The following GLRA1 variants were observed in gnomAD, a reference collection of about 807,000 sequenced individuals.
GLRA1 encodes glycine receptor alpha 1, also known as glycine receptor subunit alpha-1.
GLRA1 carries 37 observed loss-of-function variants against 48.3 expected under a neutral mutation model. That is an observed-to-expected ratio of 0.77 (90% CI 0.59 to 1.01). GLRA1 has a LOEUF of 1.01. Ranked by LOEUF, GLRA1 falls within the 50% of genes least tolerant of loss-of-function variation. The pLI is 0.00. For missense variants in GLRA1, 427 were observed against 571.0 expected (o/e 0.75, Z 2.57); for synonymous variants, 196 against 210.7 (o/e 0.93, Z 0.60).
intron 2 of GLRA1, among the ~76,000 whole-genome samples, chr5:151,889,637 T>A (rs1754007708): frequency 6.6e-6 from 1 of 152,176 alleles, no homozygotes; most frequent in Non-Finnish European, 1.5e-5. Flanking sequence ...GAGTGATGGA[T>A]CCCTCCGTAG....
intron 3 of GLRA1, 48 bp downstream of exon 3, chr5:151,886,673 A>C: frequency 7.0e-6 from 9 of 1,293,744 alleles, no homozygotes; most frequent in Non-Finnish European, 1.0e-5. Context: ...TATTTCATGG[A>C]GAGATATCTC....
intron 1 of GLRA1, among the ~76,000 whole-genome samples, chr5:151,900,569 C>T (rs1331856457): frequency 6.6e-6 from 1 of 152,192 alleles, no homozygotes; most frequent in African/African-American, 2.4e-5. Context: ...CTCCATTTTA[C>T]AGGTGAGAAA....
chr5:151,824,910 A>G (rs1444711353), intron 8 of GLRA1, among the ~76,000 whole-genome samples: 1 of 152,196 alleles, frequency 6.6e-6, no homozygotes, highest in African/African-American at 2.4e-5. Flanking sequence ...TTTGTTGAAC[A>G]AATGTTTACT....
chr5:151,909,636 A>G (rs989344865), intron 1 of GLRA1, among the ~76,000 whole-genome samples: 3 of 152,194 alleles, frequency 2.0e-5, no homozygotes, highest in Non-Finnish European at 2.9e-5. Context: ...TCATAATGGA[A>G]TTGGTAAGTT....
At chr5:151,907,296 G>C (rs566514541) in intron 1 of GLRA1, among the ~76,000 whole-genome samples, 1 of 152,212 alleles carries the variant, frequency 6.6e-6, no homozygotes, top group South Asian at 2.1e-4. Flanking sequence ...TGTATCTGTG[G>C]CTCTCATTTA....
At chr5:151,877,316 G>A (rs1341491183) in intron 3 of GLRA1, among the ~76,000 whole-genome samples, 1 of 152,140 alleles carries the variant, frequency 6.6e-6, no homozygotes, top group African/African-American at 2.4e-5. Context: ...AATCATTGTT[G>A]TCTGAAGATG....
At chr5:151,847,208 G>A (rs1004404735) in intron 7 of GLRA1, among the ~76,000 whole-genome samples, 2 of 152,182 alleles carry the variant, frequency 1.3e-5, no homozygotes, top group African/African-American at 4.8e-5. Flanking sequence ...GTGGTGTCTG[G>A]CATTAATAAT....
At chr5:151,845,847 A>G (rs980501567) in intron 7 of GLRA1, among the ~76,000 whole-genome samples, 1 of 152,242 alleles carries the variant, frequency 6.6e-6, no homozygotes, top group African/African-American at 2.4e-5. Context: ...AAAATGTGAT[A>G]TATCTATACC....
intron 1 of GLRA1, among the ~76,000 whole-genome samples, chr5:151,908,721 T>A (rs1394633032): frequency 2.0e-5 from 3 of 152,230 alleles, no homozygotes; most frequent in Non-Finnish European, 4.4e-5. Flanking sequence ...TGTTGCTTCT[T>A]AATCCCATAA....
At chr5:151,881,122 C>G (rs772142180) in intron 3 of GLRA1, among the ~76,000 whole-genome samples, 12 of 152,168 alleles carry the variant, frequency 7.9e-5, no homozygotes, top group Non-Finnish European at 1.8e-4. Flanking sequence ...TGCACAATTC[C>G]ACGATCCCTC....
intron 1 of GLRA1, among the ~76,000 whole-genome samples, chr5:151,923,340 T>C (rs1010473727): frequency 1.3e-5 from 2 of 152,166 alleles, no homozygotes; most frequent in East Asian, 3.9e-4. Flanking sequence ...AAAACAAAAA[T>C]TATTTGCTGT....
At chr5:151,852,805 T>C (rs1752945577) in intron 6 of GLRA1, among the ~76,000 whole-genome samples, 1 of 152,258 alleles carries the variant, frequency 6.6e-6, no homozygotes, top group Non-Finnish European at 1.5e-5. Flanking sequence ...TTTGAGGTAC[T>C]GATTTCATTT....
intron 7 of GLRA1, chr5:151,849,991 C>T (rs543066297): frequency 3.9e-5 from 63 of 1,599,720 alleles, no homozygotes; most frequent in East Asian, 4.5e-5. Flanking sequence ...CGAGTACAAC[C>T]GAAAGCCTGC....
rs1039779507 is a variant in GLRA1, at chr5:151,914,420, C to T, written c.56+10074G>A. Among the ~76,000 whole-genome samples the T allele has an allele frequency of 7.9e-5, 12 of 152,146 alleles. No individual in the cohort carries two copies. In the East Asian group the frequency reaches 9.6e-4, roughly 12 times the overall value. ...TTGGGAGTGGTAAATCTGGGGCATG[C>T]GGTGAGACCTTTAGTGCTTGAGGTG... On this transcript the variant is annotated intron_variant, in intron 1 of 8. Transcript: ENST00000274576.
chr5:151,823,084 C>T (rs932515241), intron 8 of GLRA1, 121 bp from the exon 9 acceptor site: 7 of 908,614 alleles, frequency 7.7e-6, no homozygotes, highest in Non-Finnish European at 1.1e-5. Context: ...TTCCAGACTG[C>T]ATCACTCTAG....
In GLRA1 at chr5:151,822,699, G is replaced by A. The variant is rs750346568; in HGVS notation, c.1324C>T (p.Arg442Cys). Residue 442 changes from arginine to cysteine, a missense_variant, in exon 9 of 9, where the codon CGT (arginine) becomes TGT (cysteine). Around this residue, in one of 4 missense-constraint regions of GLRA1, gnomAD observed 121 missense variants for 96.5 expected, o/e 1.25. Transcript: ENST00000274576. ...MFYWIIYKIV[R>C]REDVHNQ is the part of the protein sequence containing the mutation. Reference sequence around the variant, plus strand: ...CACTGGTTGTGGACGTCCTCTCTACGGACAATCTTGTAGATGATCCAGTAG... The same window carrying A: ...CACTGGTTGTGGACGTCCTCTCTACAGACAATCTTGTAGATGATCCAGTAG... The A allele has an allele frequency of 3.1e-6, 5 of 1,613,428 alleles. No individual in the cohort carries two copies. Among genetic ancestry groups the A allele is most frequent in the East Asian group, 2.2e-5 (1 of 44,858 alleles).
At chr5:151,828,789 A>G (rs1335843163) in intron 8 of GLRA1, 132 bp downstream of exon 8, 7 of 959,468 alleles carry the variant, frequency 7.3e-6, no homozygotes, top group Non-Finnish European at 7.8e-6. Context: ...TAGGTCTTTA[A>G]TTCCTATTTC....
chr5:151,832,153 C>T (rs942630898), intron 7 of GLRA1, among the ~76,000 whole-genome samples: 3 of 152,152 alleles, frequency 2.0e-5, no homozygotes, highest in South Asian at 2.1e-4. Context: ...AGGTCACAAG[C>T]GTCAAAGGCC....
At chr5:151,858,771 A>AG (rs1462816888) in intron 4 of GLRA1, among the ~76,000 whole-genome samples, 2 of 120,664 alleles carry the variant, frequency 1.7e-5, no homozygotes, top group African/African-American at 6.9e-5. Flanking sequence ...CATCACCCAA[A>AG]GGAAAAAAAA....
Sources: allele counts gnomAD v4.1 joint callset (sites outside exome capture counted in the v4.1 genomes callset), GRCh38; gene constraint gnomAD v4.1.1; regional missense constraint gnomAD v4.1.1; transcripts MANE v1.5; gene names NCBI Gene and HGNC (gene_info 2026-07-23, HGNC 2026-07-21).